Variants in CLDN16 observed in about 807,000 individuals in gnomAD.
The protein encoded by CLDN16 is claudin-16.
CLDN16 carries 13 observed loss-of-function variants against 24.6 expected under a neutral mutation model. That is an observed-to-expected ratio of 0.53 (90% CI 0.34 to 0.84). The LOEUF (loss-of-function observed/expected upper bound fraction) is 0.84. CLDN16 is among the 40% of genes least tolerant of loss of function. The probability of loss-of-function intolerance (pLI) is 0.01; values close to 1 mark genes in which losing one functional copy is unlikely to be tolerated. For missense variants in CLDN16, 298 were observed against 292.7 expected (o/e 1.02, Z -0.13); for synonymous variants, 116 against 106.7 (o/e 1.09, Z -0.54).
intron 3 of CLDN16, among the ~76,000 whole-genome samples, chr3:190,407,159 A>G (rs1719126765): frequency 6.6e-6 from 1 of 152,146 alleles, no homozygotes; most frequent in Admixed American, 6.5e-5. Context: ...TTTGGAGACT[A>G]CATATTTTAT....
At chr3:190,324,702 T>C (rs1717021547) in intron 1 of CLDN16, among the ~76,000 whole-genome samples, 1 of 152,076 alleles carries the variant, frequency 6.6e-6, no homozygotes, top group African/African-American at 2.4e-5. Flanking sequence ...CCCACAACCA[T>C]GTTTGTGAGG....
intron 1 of CLDN16, among the ~76,000 whole-genome samples, chr3:190,342,116 C>T (rs1038872124): frequency 6.6e-6 from 1 of 152,204 alleles, no homozygotes. Flanking sequence ...CCAAACTGTT[C>T]CAAACTCTGC....
In CLDN16 at chr3:190,410,263, A is replaced by G. The variant is rs1455495704; in HGVS notation, c.*227A>G. 1.9e-6 allele frequency: 1 copy of G among 530,800 alleles called. No individual in the cohort carries two copies. The highest frequency in any genetic ancestry group is 1.9e-5 in the African/African-American group (1 of 52,422). 32.9% of individuals were successfully genotyped at this position (530,800 alleles called of 1,614,324 possible). ...TCCACCTTATGCACACACTTTCCCTATATTTTAAGATAAGTCTGCTAGGAT... is the reference window on the plus strand; with the variant it reads ...TCCACCTTATGCACACACTTTCCCTGTATTTTAAGATAAGTCTGCTAGGAT... On this transcript the variant is annotated 3_prime_UTR_variant, in exon 5 of 5. Transcript: ENST00000264734.
At chr3:190,373,284 TC>T in intron 2 of CLDN16, among the ~76,000 whole-genome samples, 1 of 152,062 alleles carries the variant, frequency 6.6e-6, no homozygotes, top group East Asian at 1.9e-4. Flanking sequence ...CCCAATCTGC[TC>T]CTTGTCCCTC....
At chr3:190,302,779 A>AT in the CLDN16 span, among the ~76,000 whole-genome samples, 2,900 of 140,134 alleles carry the variant, frequency 0.021, 99 homozygotes, top group African/African-American at 0.07. Context: ...CTCAAAAAAA[A>AT]ATATATATAT....
the CLDN16 span, among the ~76,000 whole-genome samples, chr3:190,312,463 C>T: frequency 6.6e-6 from 1 of 152,168 alleles, no homozygotes; most frequent in Non-Finnish European, 1.5e-5. Context: ...AATCCCAATC[C>T]TTCCATCCCT....
At chr3:190,350,947 C>T (rs757527226) in intron 1 of CLDN16, among the ~76,000 whole-genome samples, 8 of 152,004 alleles carry the variant, frequency 5.3e-5, no homozygotes, top group African/African-American at 1.4e-4. Context: ...GGTGTGTCTC[C>T]GCCAAATTTC....
the CLDN16 span, among the ~76,000 whole-genome samples, chr3:190,310,651 C>G: frequency 6.6e-6 from 1 of 152,138 alleles, no homozygotes. Context: ...GATGAAAACT[C>G]TTCTATGTTC....
At chr3:190,303,087 TAATTTTATTATCA>T in the CLDN16 span, among the ~76,000 whole-genome samples, 1 of 152,278 alleles carries the variant, frequency 6.6e-6, no homozygotes, top group Non-Finnish European at 1.5e-5. Context: ...TAATAAGTTT[TAATTTTATTATCA>T]AATAAATACA....
At chr3:190,380,192 T>TTGCTTCCTTTTCTTCCTTCCCTCCC (rs1553806948) in intron 3 of CLDN16, among the ~76,000 whole-genome samples, 2 of 123,082 alleles carry the variant, frequency 1.6e-5, no homozygotes, top group African/African-American at 2.8e-5. Context: ...CTTTTCTTCC[T>TTGCTTCCTTTTCTTCCTTCCCTCCC]TCCCTCCCTT....
intron 2 of CLDN16, among the ~76,000 whole-genome samples, chr3:190,404,341 A>T (rs1375456294): frequency 6.8e-6 from 1 of 147,520 alleles, no homozygotes; most frequent in East Asian, 2.0e-4. Flanking sequence ...ATTTTTAAAT[A>T]AAAAAAAATT....
chr3:190,294,277 T>TA, the CLDN16 span, among the ~76,000 whole-genome samples: 2 of 152,084 alleles, frequency 1.3e-5, no homozygotes, highest in South Asian at 4.1e-4. Flanking sequence ...TTAGTTCAAC[T>TA]AAAAAAATGG....
rs543243742 is a variant in CLDN16, at chr3:190,338,061, C to T, written n.121+15400C>T. Among the ~76,000 whole-genome samples the T allele has an allele frequency of 3.1e-3, 479 of 152,222 alleles. No individual in the cohort carries two copies. In the South Asian group the frequency reaches 0.032, roughly 10 times the overall value. On this transcript the variant is annotated intron_variant and non_coding_transcript_variant, in intron 1 of 4. Coordinates refer to the CLDN16 transcript ENST00000468220. ...CTAAACCAACAGCCATTACATGGTG[C>T]CAGGGTGCCCAGTAGGTAGAGTACA...
In CLDN16 at chr3:190,343,653, G is replaced by A. The variant is rs1037309651; in HGVS notation, n.121+20992G>A. On this transcript the variant is annotated intron_variant and non_coding_transcript_variant, in intron 1 of 4. Transcript: ENST00000468220. ...ACAAAGAGATTCTGCCATTTGCCAC[G>A]ACATATATGAATCTGAAGGGCATTA... Among the ~76,000 whole-genome samples, 13 of 152,120 alleles carry A rather than the reference G, an allele frequency of 8.5e-5. No homozygotes were observed. In the Middle Eastern group the frequency reaches 0.014, roughly 159 times the overall value.
At chr3:190,342,913 G>A (rs1370066049) in intron 1 of CLDN16, among the ~76,000 whole-genome samples, 2 of 152,110 alleles carry the variant, frequency 1.3e-5, no homozygotes, top group African/African-American at 4.8e-5. Flanking sequence ...ATGATTTCTT[G>A]AATATCACAC....
Position 190,388,185 on chromosome 3 carries a change from C to A in CLDN16, c.-145C>A, listed in dbSNP as rs775914662. The A allele has an allele frequency of 3.1e-6, 5 of 1,614,082 alleles. 1 individual carries two copies. In the East Asian group the frequency reaches 1.1e-4, roughly 36 times the overall value. On this transcript the variant is annotated 5_prime_UTR_variant, in exon 1 of 5. Transcript: ENST00000264734. ...ATTATTCTTACTGCAACTCAAGACA[C>A]CTGCAGCAGGGCGTGAGAAAAAGTA...
intron 1 of CLDN16, among the ~76,000 whole-genome samples, chr3:190,369,172 T>C (rs1424259243): frequency 1.3e-5 from 2 of 151,940 alleles, no homozygotes; most frequent in Non-Finnish European, 2.9e-5. Context: ...CTACTAACTA[T>C]TAAATCCTGC....
chr3:190,364,938 T>G (rs1012320227), intron 1 of CLDN16, among the ~76,000 whole-genome samples: 1 of 151,628 alleles, frequency 6.6e-6, no homozygotes, highest in Non-Finnish European at 1.5e-5. Flanking sequence ...TTCACCGGGA[T>G]CTGTCTCTTC....
chr3:190,393,070 G>A (rs1718720762), intron 1 of CLDN16, among the ~76,000 whole-genome samples: 1 of 152,018 alleles, frequency 6.6e-6, no homozygotes, highest in Non-Finnish European at 1.5e-5. Flanking sequence ...AAATAAGGGA[G>A]GCTCTAAAAA....
Sources: allele counts gnomAD v4.1 joint callset (sites outside exome capture counted in the v4.1 genomes callset), GRCh38; gene constraint gnomAD v4.1.1; transcripts MANE v1.5; gene names NCBI Gene and HGNC (gene_info 2026-07-23, HGNC 2026-07-21).